PITPNB: variants seen among roughly 807,000 people sequenced by gnomAD.
The protein encoded by PITPNB is phosphatidylinositol transfer protein beta isoform.
In PITPNB, 16 loss-of-function variants were observed where a neutral mutation model predicts 45.9. That is an observed-to-expected ratio of 0.35 (90% CI 0.24 to 0.53). The LOEUF (loss-of-function observed/expected upper bound fraction) is 0.53, where lower values mean the gene tolerates loss of function less well. PITPNB is among the 20% of genes least tolerant of loss of function. The pLI is 0.93. For synonymous variants in PITPNB, 112 were observed against 108.9 expected, an observed-to-expected ratio of 1.03 and a Z score of -0.18; for missense variants, 188 against 330.5, an observed-to-expected ratio of 0.57 and a Z score of 3.34.
intron 8 of PITPNB, among the ~76,000 whole-genome samples, chr22:27,863,787 G>C (rs1934404437): frequency 6.6e-6 from 1 of 152,206 alleles, no homozygotes; most frequent in Non-Finnish European, 1.5e-5. Flanking sequence ...TCCAAGAACA[G>C]AGTACACATA....
At chr22:27,890,570 T>C (rs1027476139) in intron 7 of PITPNB, among the ~76,000 whole-genome samples, 1 of 152,088 alleles carries the variant, frequency 6.6e-6, no homozygotes, top group Admixed American at 6.5e-5. Context: ...ATCCCAGCAC[T>C]TTGGGAGGCT....
chr22:27,859,015 C>T (rs984541159), intron 9 of PITPNB, among the ~76,000 whole-genome samples: 37 of 152,028 alleles, frequency 2.4e-4, no homozygotes, highest in African/African-American at 8.9e-4. Context: ...ATGTTGCTGC[C>T]ACTATTATAA....
chr22:27,900,558 A>G (rs891723674), intron 3 of PITPNB, among the ~76,000 whole-genome samples: 4 of 152,214 alleles, frequency 2.6e-5, no homozygotes, highest in African/African-American at 9.6e-5. Context: ...CTAGATTTCA[A>G]ATTTACTTTT....
Position 27,910,942 on chromosome 22 carries a change from G to A in PITPNB, c.197+22C>T, listed in dbSNP as rs201723231. On this transcript the variant is annotated intron_variant, in intron 3 of 11. Coordinates refer to ENST00000335272, the MANE Select transcript of PITPNB (RefSeq NM_012399.5). ...TAAGTAAGCCAGGTAGTTACAAGGC[G>A]TCAAATGTGAACACCGCTTACCTCT... 35 of 1,599,568 alleles carry A rather than the reference G, an allele frequency of 2.2e-5. No individual in the cohort carries two copies. In the South Asian group the frequency reaches 2.2e-4, roughly 10 times the overall value.
chr22:27,888,370 G>A (rs944467941), intron 7 of PITPNB, among the ~76,000 whole-genome samples: 1 of 152,158 alleles, frequency 6.6e-6, no homozygotes, highest in African/African-American at 2.4e-5. Context: ...GGGTCAACAG[G>A]CTATGTACAC....
intron 7 of PITPNB, among the ~76,000 whole-genome samples, chr22:27,879,208 T>C (rs1352939451): frequency 6.6e-6 from 1 of 152,182 alleles, no homozygotes; most frequent in Non-Finnish European, 1.5e-5. Context: ...GTCATGTTTA[T>C]GGAGGCAGAC....
chr22:27,893,402 A>C (rs1935340451), intron 7 of PITPNB, among the ~76,000 whole-genome samples: 1 of 150,280 alleles, frequency 6.7e-6, no homozygotes, highest in African/African-American at 2.5e-5. Flanking sequence ...CTCCTGCCTC[A>C]GCCTCCCGAG....
chr22:27,852,069 G>C lies in PITPNB; in HGVS notation c.*1633C>G, dbSNP rs1359192926. The C allele has an allele frequency of 6.6e-6, 1 of 152,206 alleles. No individual in the cohort carries two copies. The highest frequency in any genetic ancestry group is 1.5e-5 in the Non-Finnish European group (1 of 68,034). The allele number at this position is 152,206 out of a possible 1,614,324, so 9.4% of individuals were successfully genotyped here. A position where few individuals can be genotyped will look rare whatever the true frequency, so the allele number is the denominator to read the frequency against. ...AAAGGATGTATGAAATGTGGGTTTT[G>C]TTGCTGAGGATAACAGGGTATTGCA... On this transcript the variant is annotated 3_prime_UTR_variant, in exon 12 of 12. Transcript: ENST00000335272.
At chr22:27,909,729 C>A (rs957505266) in intron 3 of PITPNB, among the ~76,000 whole-genome samples, 1 of 152,130 alleles carries the variant, frequency 6.6e-6, no homozygotes, top group Non-Finnish European at 1.5e-5. Flanking sequence ...CATTTTATAA[C>A]TTCTCTTAGG....
intron 7 of PITPNB, among the ~76,000 whole-genome samples, chr22:27,891,810 C>T (rs1935288667): frequency 6.6e-6 from 1 of 152,152 alleles, no homozygotes; most frequent in South Asian, 2.1e-4. Context: ...ATAAATTACC[C>T]AGTCATGGGT....
intron 8 of PITPNB, among the ~76,000 whole-genome samples, chr22:27,869,161 G>A (rs1934573972): frequency 6.6e-6 from 1 of 152,052 alleles, no homozygotes; most frequent in Non-Finnish European, 1.5e-5. Flanking sequence ...GCACAATTCT[G>A]CCTTGAAGCA....
chr22:27,892,704 A>G (rs1601411008), intron 7 of PITPNB, among the ~76,000 whole-genome samples: 1 of 152,224 alleles, frequency 6.6e-6, no homozygotes, highest in East Asian at 1.9e-4. Flanking sequence ...CATAACAGAT[A>G]TATCATTTCA....
intron 3 of PITPNB, among the ~76,000 whole-genome samples, chr22:27,903,482 A>AG (rs1362812152): frequency 6.6e-6 from 1 of 151,298 alleles, no homozygotes; most frequent in Non-Finnish European, 1.5e-5. Context: ...AAAAAAAAAA[A>AG]AAAGAATGGG....
At chr22:27,891,629 T>C (rs1184142455) in intron 7 of PITPNB, among the ~76,000 whole-genome samples, 3 of 152,198 alleles carry the variant, frequency 2.0e-5, no homozygotes, top group Admixed American at 2.0e-4. Context: ...CATGTTGTTC[T>C]GGTGACGGTG....
chr22:27,871,907 A>G (rs1465444703), intron 8 of PITPNB, among the ~76,000 whole-genome samples: 3 of 151,946 alleles, frequency 2.0e-5, no homozygotes, highest in Non-Finnish European at 4.4e-5. Flanking sequence ...AGTTCACACG[A>G]GATCTGGCTG....
intron 8 of PITPNB, among the ~76,000 whole-genome samples, chr22:27,870,311 T>C (rs879051852): frequency 5.9e-5 from 9 of 152,220 alleles, no homozygotes; most frequent in African/African-American, 2.2e-4. Context: ...TCTTTACCCC[T>C]AGTCAGTCTG....
At chr22:27,869,739 T>C (rs576141992) in intron 8 of PITPNB, among the ~76,000 whole-genome samples, 1 of 152,350 alleles carries the variant, frequency 6.6e-6, no homozygotes, top group South Asian at 2.1e-4. Context: ...ACATTGATTG[T>C]GCACTTCTTC....
At chr22:27,911,507 G>C (rs1032102252) in intron 2 of PITPNB, among the ~76,000 whole-genome samples, 2 of 152,132 alleles carry the variant, frequency 1.3e-5, no homozygotes, top group Non-Finnish European at 2.9e-5. Context: ...GAAAGGTATG[G>C]CAGAAATACA....
At chr22:27,868,630 G>T (rs147956514) in intron 8 of PITPNB, among the ~76,000 whole-genome samples, 1 of 152,338 alleles carries the variant, frequency 6.6e-6, no homozygotes, top group Non-Finnish European at 1.5e-5. Context: ...CGGACTGCTG[G>T]AGCATTTGCT....
Sources: gnomAD v4.1 joint callset for allele counts (sites outside exome capture counted in the v4.1 genomes callset) on GRCh38, gnomAD v4.1.1 for gene constraint, MANE v1.5 for transcripts, NCBI Gene and HGNC (gene_info 2026-07-23, HGNC 2026-07-21) for gene names.